Variants in MAST2 observed in about 807,000 individuals in gnomAD.
MAST2 encodes microtubule associated serine/threonine kinase 2.
A neutral mutation model predicts 147.4 loss-of-function variants in MAST2; 70 were observed. The observed-to-expected ratio is 0.47, with a 90% CI of 0.39 to 0.58. The LOEUF (loss-of-function observed/expected upper bound fraction) is 0.58. MAST2 is among the 20% of genes least tolerant of loss of function. MAST2 has a pLI of 0.00. For missense variants in MAST2, 2,080 were observed against 2,302.3 expected, an observed-to-expected ratio of 0.90 and a Z score of 1.98; for synonymous variants, 869 against 896.8, an observed-to-expected ratio of 0.97 and a Z score of 0.55.
At chr1:45,915,492 C>T (rs1179904996) in intron 4 of MAST2, among the ~76,000 whole-genome samples, 2 of 152,042 alleles carry the variant, frequency 1.3e-5, no homozygotes, top group South Asian at 2.1e-4. Context: ...GGGCGGATCA[C>T]GAGGTCAGGA....
chr1:46,006,373 C>A lies in MAST2; in HGVS notation c.880C>A (p.Arg294=). 1 of 1,612,662 alleles carries A rather than the reference C, an allele frequency of 6.2e-7. No homozygotes were observed. The change falls in exon 8 of 29, where the codon CGG becomes AGG. Residue 294 remains arginine (R), a synonymous_variant. Transcript: ENST00000361297. ...DEEGRQSPAM[R]PRSRSLSPGR... is the part of the protein sequence containing the mutation. ...GGAAGGACGGCAGTCCCCAGCCATG[C>A]GGCCTCGCTCCCGGAGCCTCAGGTG...
chr1:45,932,604 C>T lies in MAST2; in HGVS notation c.501-26782C>T, dbSNP rs371267532. Reference sequence around the variant, plus strand: ...ACGAGAATCGCTTGAACCCAGGAGGCGGAGGTTGTAGTGAGCCAAGATCGC... The same window carrying T: ...ACGAGAATCGCTTGAACCCAGGAGGTGGAGGTTGTAGTGAGCCAAGATCGC... On this transcript the variant is annotated intron_variant, in intron 4 of 28. Transcript: ENST00000361297. Among the ~76,000 whole-genome samples the T allele has an allele frequency of 2.8e-4, 42 of 152,114 alleles. No individual in the cohort carries two copies. In the East Asian group the frequency reaches 7.9e-3, roughly 29 times the overall value.
At chr1:45,891,206 T>C (rs1262675587) in intron 4 of MAST2, among the ~76,000 whole-genome samples, 1 of 152,194 alleles carries the variant, frequency 6.6e-6, no homozygotes, top group African/African-American at 2.4e-5. Context: ...AACATTATTT[T>C]GTGCACTGGA....
At chr1:45,813,574 C>G (rs1644367013) in intron 1 of MAST2, among the ~76,000 whole-genome samples, 1 of 151,312 alleles carries the variant, frequency 6.6e-6, no homozygotes. Flanking sequence ...TCTTGGCTCA[C>G]TGCAACCTCT....
chr1:45,924,080 A>G (rs1653967631), intron 4 of MAST2, among the ~76,000 whole-genome samples: 1 of 152,102 alleles, frequency 6.6e-6, no homozygotes. Context: ...TCATGTTGGC[A>G]AGGCTGGTCT....
intron 10 of MAST2, among the ~76,000 whole-genome samples, chr1:46,014,727 G>T (rs1645861214): frequency 6.6e-6 from 1 of 151,996 alleles, no homozygotes; most frequent in Non-Finnish European, 1.5e-5. Flanking sequence ...ATAATAATGG[G>T]AGACTTTAAC....
At chr1:45,912,680 C>T (rs1651861995) in intron 4 of MAST2, among the ~76,000 whole-genome samples, 1 of 152,232 alleles carries the variant, frequency 6.6e-6, no homozygotes, top group African/African-American at 2.4e-5. Context: ...ACAAGACTTG[C>T]TTCTCTTTGG....
intron 5 of MAST2, among the ~76,000 whole-genome samples, chr1:45,979,383 G>GA (rs1644305287): frequency 6.6e-6 from 1 of 150,578 alleles, no homozygotes; most frequent in Non-Finnish European, 1.5e-5. Context: ...TCTTAAAGTG[G>GA]AAAAAGCCTG....
At chr1:45,808,324 A>G (rs1008020874) in intron 1 of MAST2, among the ~76,000 whole-genome samples, 3 of 152,064 alleles carry the variant, frequency 2.0e-5, no homozygotes, top group East Asian at 3.9e-4. Context: ...TCTGCCTCCC[A>G]GGTTCAAGCG....
intron 4 of MAST2, among the ~76,000 whole-genome samples, chr1:45,924,656 T>C (rs897080729): frequency 1.3e-5 from 2 of 152,158 alleles, no homozygotes; most frequent in African/African-American, 4.8e-5. Context: ...ATAACTATTA[T>C]AGGCTGAATT....
intron 3 of MAST2, among the ~76,000 whole-genome samples, chr1:45,854,384 G>T (rs1645723100): frequency 6.6e-6 from 1 of 151,272 alleles, no homozygotes; most frequent in African/African-American, 2.4e-5. Flanking sequence ...TTATTTCTGG[G>T]TTCTCTTTTC....
At chr1:45,980,106 G>A (rs1644339904) in intron 5 of MAST2, among the ~76,000 whole-genome samples, 1 of 151,930 alleles carries the variant, frequency 6.6e-6, no homozygotes, top group Admixed American at 6.6e-5. Context: ...CCAACCTGGA[G>A]AAAACTCATC....
chr1:45,842,403 A>C (rs1570330773), intron 3 of MAST2, among the ~76,000 whole-genome samples: 1 of 152,178 alleles, frequency 6.6e-6, no homozygotes, highest in South Asian at 2.1e-4. Context: ...TACAACTGCC[A>C]CCTCTATCTA....
chr1:45,931,215 A>G (rs1302225078), intron 4 of MAST2, among the ~76,000 whole-genome samples: 16 of 152,180 alleles, frequency 1.1e-4, no homozygotes, highest in Admixed American at 9.8e-4. Context: ...GCAGTTTTGT[A>G]GTTATTTCCT....
chr1:45,833,578 A>G (rs1249511236), intron 3 of MAST2, among the ~76,000 whole-genome samples: 1 of 152,140 alleles, frequency 6.6e-6, no homozygotes, highest in Non-Finnish European at 1.5e-5. Flanking sequence ...TGATAACTGT[A>G]TTTAATCATT....
chr1:45,852,487 G>A (rs1005033500), intron 3 of MAST2, among the ~76,000 whole-genome samples: 3 of 150,826 alleles, frequency 2.0e-5, no homozygotes, highest in African/African-American at 4.9e-5. Flanking sequence ...TCAGCCTTCC[G>A]AGTAGCTGGG....
chr1:45,813,844 G>A (rs1188188387), intron 1 of MAST2, among the ~76,000 whole-genome samples: 2 of 151,984 alleles, frequency 1.3e-5, no homozygotes, highest in African/African-American at 2.4e-5. Context: ...TAGAGATGAA[G>A]TCTTGCTATG....
chr1:45,908,830 T>TC (rs1489425685), intron 4 of MAST2, among the ~76,000 whole-genome samples: 1 of 152,174 alleles, frequency 6.6e-6, no homozygotes, highest in African/African-American at 2.4e-5. Flanking sequence ...AGAAAATTGC[T>TC]CCCAGGCAGC....
chr1:45,815,693 T>G (rs1644430216), intron 1 of MAST2, among the ~76,000 whole-genome samples: 1 of 152,214 alleles, frequency 6.6e-6, no homozygotes, highest in African/African-American at 2.4e-5. Flanking sequence ...TTAAAGAACA[T>G]TACTTGCTGT....
Sources: allele counts gnomAD v4.1 joint callset (sites outside exome capture counted in the v4.1 genomes callset), GRCh38; gene constraint gnomAD v4.1.1; transcripts MANE v1.5; gene names NCBI Gene and HGNC (gene_info 2026-07-23, HGNC 2026-07-21).